The following ANAPC1 variants were observed in gnomAD, a reference collection of about 807,000 sequenced individuals.
ANAPC1 encodes the protein anaphase-promoting complex subunit 1.
ANAPC1 carries 36 observed loss-of-function variants against 208.0 expected under a neutral mutation model. The observed-to-expected ratio is 0.17, with a 90% CI of 0.13 to 0.23. The LOEUF (loss-of-function observed/expected upper bound fraction) is 0.23. Ranked by LOEUF, ANAPC1 falls within the 10% of genes least tolerant of loss-of-function variation. The probability of loss-of-function intolerance (pLI) is 1.00; values close to 1 mark genes in which losing one functional copy is unlikely to be tolerated. For synonymous variants in ANAPC1, 378 were observed against 695.2 expected (o/e 0.54, Z 7.18); for missense variants, 942 against 2,011.6 (o/e 0.47, Z 10.17).
chr2:111,785,485 C>CA lies in ANAPC1; in HGVS notation c.4800-9dup. 1.3e-6 allele frequency: 1 copy of CA among 781,376 alleles called. No homozygotes were observed. Among genetic ancestry groups the CA allele is most frequent in the Non-Finnish European group, 2.2e-6 (1 of 459,650 alleles). 48.4% of individuals were successfully genotyped at this position (781,376 alleles called of 1,614,324 possible). On this transcript the variant is annotated splice_polypyrimidine_tract_variant and intron_variant, in intron 39 of 47. Transcript: ENST00000341068. ...AGAGCCTGGAGATGATACCTGTTCACAAAAAAGACAGAGAGTGGGTAACAA... is the reference window on the plus strand; with the variant it reads ...AGAGCCTGGAGATGATACCTGTTCACAAAAAAAGACAGAGAGTGGGTAACAA...
chr2:111,779,992 T>A, intron 44 of ANAPC1: 1 of 231,498 alleles, frequency 4.3e-6, no homozygotes, highest in South Asian at 5.3e-5. Context: ...AGAAAGGTGG[T>A]AAACACTGAA....
At chr2:111,793,208 A>C (rs1479246742) in intron 37 of ANAPC1, among the ~76,000 whole-genome samples, 1 of 151,924 alleles carries the variant, frequency 6.6e-6, no homozygotes, top group Non-Finnish European at 1.5e-5. Context: ...AGCAAGCTTC[A>C]CTCACAAAAA....
intron 6 of ANAPC1, 141 bp from the exon 7 acceptor site, chr2:111,868,237 T>C: frequency 1.9e-6 from 1 of 527,180 alleles, no homozygotes. Flanking sequence ...CTAAACTTTG[T>C]ACATACTATT....
At chr2:111,816,343 CT>C (rs1268072252) in intron 27 of ANAPC1, among the ~76,000 whole-genome samples, 1 of 150,688 alleles carries the variant, frequency 6.6e-6, no homozygotes, top group African/African-American at 2.5e-5. Flanking sequence ...CCTTCTCTCT[CT>C]TTTTTTCTCT....
chr2:111,856,686 A>G lies in ANAPC1; in HGVS notation c.1450-7T>C. Reference sequence around the variant, plus strand: ...CCAGCATGGTGTCTATTTTCTAAAAAAACAAAAAAGACAAAAAATTTATTT... The same window carrying G: ...CCAGCATGGTGTCTATTTTCTAAAAGAACAAAAAAGACAAAAAATTTATTT... On this transcript the variant is annotated splice_polypyrimidine_tract_variant and splice_region_variant and intron_variant, in intron 12 of 47. Transcript: ENST00000341068. 6.2e-7 allele frequency: 1 copy of G among 1,613,894 alleles called. No individual in the cohort carries two copies. Among genetic ancestry groups the G allele is most frequent in the Non-Finnish European group, 8.5e-7 (1 of 1,179,846 alleles).
intron 1 of ANAPC1, 169 bp from the exon 2 acceptor site, chr2:111,881,018 C>T: frequency 1.7e-6 from 1 of 595,148 alleles, no homozygotes; most frequent in South Asian, 2.1e-5. Flanking sequence ...CTGATTCAGA[C>T]AGTTGCAATT....
chr2:111,878,336 A>T (rs1392044752), intron 3 of ANAPC1, among the ~76,000 whole-genome samples: 1 of 152,222 alleles, frequency 6.6e-6, no homozygotes, highest in Non-Finnish European at 1.5e-5. Context: ...AATATGGCAA[A>T]TGCTTAATTC....
intron 7 of ANAPC1, among the ~76,000 whole-genome samples, chr2:111,866,639 G>A (rs1682431070): frequency 1.3e-5 from 2 of 150,152 alleles, no homozygotes; most frequent in African/African-American, 2.4e-5. Context: ...CAGGAGAATC[G>A]CTTGAACCTG....
At chr2:111,812,886 G>A (rs970659015) in intron 28 of ANAPC1, among the ~76,000 whole-genome samples, 4 of 116,458 alleles carry the variant, frequency 3.4e-5, no homozygotes, top group Admixed American at 1.8e-4. Flanking sequence ...TTCTATGACC[G>A]GCTGTTATCA....
At chr2:111,831,621 C>T (rs1246723557) in intron 20 of ANAPC1, among the ~76,000 whole-genome samples, 187 bp from the exon 21 acceptor site, 2 of 151,784 alleles carry the variant, frequency 1.3e-5, no homozygotes, top group African/African-American at 2.4e-5. Flanking sequence ...AGGTGGATCA[C>T]GAGGTCAGGA....
intron 6 of ANAPC1, among the ~76,000 whole-genome samples, chr2:111,868,313 A>C (rs1051276584): frequency 6.6e-6 from 1 of 152,198 alleles, no homozygotes; most frequent in African/African-American, 2.4e-5. Flanking sequence ...TCAATGCACG[A>C]ACAGAGGGAA....
intron 10 of ANAPC1, among the ~76,000 whole-genome samples, chr2:111,861,485 C>CAAA (rs1682061586): frequency 6.6e-6 from 1 of 151,700 alleles, no homozygotes; most frequent in Non-Finnish European, 1.5e-5. Context: ...CTGATCCCAG[C>CAAA]TGCCGTCTGT....
rs543539990 is a variant in ANAPC1 at position 111,880,206 on chromosome 2, A to T, written c.213+407T>A. ...CTGACCAACATGGAGAAACCCCATC[A>T]CTACTAAAAATACAAAATTAGTAGG... On this transcript the variant is annotated intron_variant, in intron 2 of 47. Transcript: ENST00000341068. 6.2e-4 allele frequency among the ~76,000 whole-genome samples: 94 copies of T among 151,926 alleles called. No homozygotes were observed. In the South Asian group the frequency reaches 0.019, roughly 31 times the overall value.
chr2:111,766,770 G>A, downstream of ANAPC1: 1 of 373,566 alleles, frequency 2.7e-6, no homozygotes, highest in South Asian at 2.1e-5. Flanking sequence ...TCAAGTGGGT[G>A]TGCACAGATC....
chr2:111,815,146 GAAAAAAA>G lies in ANAPC1; in HGVS notation c.3597+217_3597+223del, dbSNP rs1223576868. ...TAAATTCTACTCTGCCTTACTCAAGGAAAAAAAAAAAAAAAAAAAAGCAATGGGAGAT... is the reference window on the plus strand; with the variant it reads ...TAAATTCTACTCTGCCTTACTCAAGGAAAAAAAAAAAAAGCAATGGGAGAT... On this transcript the variant is annotated intron_variant, in intron 28 of 47. Transcript: ENST00000341068. Among the ~76,000 whole-genome samples, 9 of 68,524 alleles carry G rather than the reference GAAAAAAA, an allele frequency of 1.3e-4. 1 individual carries two copies. The highest frequency in any genetic ancestry group is 1.1e-3 in the South Asian group (2 of 1,882). The allele number at this position is 68,524 out of a possible 152,430, so 45.0% of individuals were successfully genotyped here. A position where few individuals can be genotyped will look rare whatever the true frequency, so the allele number is the denominator to read the frequency against.
At chr2:111,846,695 A>T (rs914094590) in intron 16 of ANAPC1, among the ~76,000 whole-genome samples, 1 of 149,296 alleles carries the variant, frequency 6.7e-6, no homozygotes, top group Non-Finnish European at 1.5e-5. Context: ...TCAGACTCCC[A>T]AGTAGCTGAG....
chr2:111,868,720 A>G (rs1435377180), intron 6 of ANAPC1, among the ~76,000 whole-genome samples: 1 of 152,214 alleles, frequency 6.6e-6, no homozygotes, highest in Non-Finnish European at 1.5e-5. Context: ...TTTAGTAGAG[A>G]CGGGGTTTCA....
intron 6 of ANAPC1, among the ~76,000 whole-genome samples, chr2:111,869,788 T>A (rs1682641249): frequency 6.6e-6 from 1 of 152,176 alleles, no homozygotes. Flanking sequence ...AGTGGTGAAT[T>A]CTGAGATTTT....
At position 111,825,708 on chromosome 2, in the gene ANAPC1, T is replaced by C. The variant is rs556065192; in HGVS notation, c.2704+69A>G. On this transcript the variant is annotated intron_variant, in intron 22 of 47. Coordinates refer to ENST00000341068, the MANE Select transcript of ANAPC1 (RefSeq NM_022662.4). The stretch of plus-strand genomic sequence containing the variant: ...GCCAAAGCAAACAAGAAAAATTCAA[T>C]TCTTTTTTCAATTCTGATACTGACA... 5.4e-3 allele frequency: 8,158 copies of C among 1,511,784 alleles called. 424 individuals carry two copies. The South Asian group carries it at 0.089, about 17-fold the overall frequency. The allele number at this position is 1,511,784 out of a possible 1,614,324, so 93.6% of individuals were successfully genotyped here. A position where few individuals can be genotyped will look rare whatever the true frequency, so the allele number is the denominator to read the frequency against.
Sources: allele counts gnomAD v4.1 joint callset (sites outside exome capture counted in the v4.1 genomes callset), GRCh38; gene constraint gnomAD v4.1.1; transcripts MANE v1.5; gene names NCBI Gene and HGNC (gene_info 2026-07-23, HGNC 2026-07-21).